The following ZNF536 variants were observed in gnomAD, a reference collection of about 807,000 sequenced individuals.
ZNF536 encodes the protein zinc finger protein 536.
In ZNF536, 13 loss-of-function variants were observed where a neutral mutation model predicts 84.5. That is an observed-to-expected ratio of 0.15 (90% CI 0.10 to 0.24). ZNF536 has a LOEUF of 0.24. Among genes scored for constraint, ZNF536 ranks in the 10% least tolerant of loss-of-function variants. The pLI is 1.00. For missense variants in ZNF536, 1,536 were observed against 1,747.5 expected, an observed-to-expected ratio of 0.88 and a Z score of 2.16; for synonymous variants, 811 against 742.5, an observed-to-expected ratio of 1.09 and a Z score of -1.50.
intron 2 of ZNF536, among the ~76,000 whole-genome samples, chr19:30,456,996 C>T (rs1039252154): frequency 6.2e-5 from 9 of 145,958 alleles, no homozygotes; most frequent in African/African-American, 2.0e-4. Context: ...AAGCTGTGAT[C>T]ACACCACTGC....
intron 2 of ZNF536, among the ~76,000 whole-genome samples, chr19:30,332,249 C>T (rs1036046690): frequency 6.6e-6 from 1 of 152,208 alleles, no homozygotes; most frequent in African/African-American, 2.4e-5. Flanking sequence ...GGATCTTCCT[C>T]ACTCTCCCTC....
At chr19:30,417,653 A>T (rs2050790911) in intron 1 of ZNF536, among the ~76,000 whole-genome samples, 1 of 152,234 alleles carries the variant, frequency 6.6e-6, no homozygotes, top group African/African-American at 2.4e-5. Flanking sequence ...AACTTCCATA[A>T]CAATATTTAA....
chr19:30,337,416 C>T (rs187674392), intron 2 of ZNF536, among the ~76,000 whole-genome samples: 67 of 152,350 alleles, frequency 4.4e-4, no homozygotes, highest in African/African-American at 1.5e-3. Flanking sequence ...GCCACCTTCC[C>T]TTTGCCGAAC....
chr19:30,226,660 G>A (rs2022631316), upstream of ZNF536, among the ~76,000 whole-genome samples: 1 of 152,120 alleles, frequency 6.6e-6, no homozygotes, highest in African/African-American at 2.4e-5. The surrounding 1 kb of genome is among the most constrained non-coding windows in gnomAD (Gnocchi z 4.6). Flanking sequence ...GGGCCCAGCC[G>A]GGGGCCAAAG....
chr19:30,301,650 T>C (rs2046188419), intron 2 of ZNF536, among the ~76,000 whole-genome samples: 1 of 152,222 alleles, frequency 6.6e-6, no homozygotes, highest in African/African-American at 2.4e-5. Context: ...TACAAAGTTA[T>C]ATAACCGAAT....
Position 30,444,246 on chromosome 19 carries a change from G to T in ZNF536, c.684G>T (p.Pro228=). Residue 228 remains proline, a synonymous_variant, in exon 2 of 5, where the codon CCG becomes CCT. Coordinates refer to ENST00000355537, the MANE Select transcript of ZNF536 (RefSeq NM_014717.3). ...CCCGGCCGGACCTGAAGCCCCCGCC[G>T]CACGCCCAGCAGGCCCCGCTGGCCG... ...LQPRPDLKPP[P]HAQQAPLAAC... 2 of 1,546,476 alleles carry T rather than the reference G, an allele frequency of 1.3e-6. No individual in the cohort carries two copies. The highest frequency in any genetic ancestry group is 8.7e-7 in the Non-Finnish European group (1 of 1,152,378).
At chr19:30,700,348 CT>C (rs1386317395) in intron 1 of ZNF536, among the ~76,000 whole-genome samples, 3 of 145,780 alleles carry the variant, frequency 2.1e-5, no homozygotes, top group East Asian at 4.0e-4. Flanking sequence ...TCCCTCCCCC[CT>C]CCTTCCTTCC....
chr19:30,531,686 G>A (rs181007066), intron 2 of ZNF536, among the ~76,000 whole-genome samples: 303 of 152,148 alleles, frequency 2.0e-3, no homozygotes, highest in African/African-American at 7.0e-3. Context: ...GTGCAGTGGC[G>A]TGATCCCGGC....
At chr19:30,375,657 A>G (rs2048788850) in intron 1 of ZNF536, among the ~76,000 whole-genome samples, 1 of 152,230 alleles carries the variant, frequency 6.6e-6, no homozygotes, top group East Asian at 1.9e-4. Context: ...ATGAGTGTAC[A>G]TGGCGTGTGC....
At chr19:30,614,193 A>G (rs2048201664) in intron 1 of ZNF536, among the ~76,000 whole-genome samples, 1 of 152,008 alleles carries the variant, frequency 6.6e-6, no homozygotes, top group African/African-American at 2.4e-5. Context: ...TATTGTGCAT[A>G]TTTTTCCACC....
At chr19:30,322,966 C>T (rs1429979677) in intron 2 of ZNF536, among the ~76,000 whole-genome samples, 1 of 152,194 alleles carries the variant, frequency 6.6e-6, no homozygotes, top group Non-Finnish European at 1.5e-5. Flanking sequence ...ACCATGTTGG[C>T]AGAGGTACTG....
At chr19:30,578,707 G>A (rs908795868) in intron 1 of ZNF536, among the ~76,000 whole-genome samples, 5 of 152,242 alleles carry the variant, frequency 3.3e-5, no homozygotes, top group African/African-American at 1.2e-4. Flanking sequence ...AGGTTGGAAA[G>A]TTGTTCACTT....
At chr19:30,313,682 C>T (rs1039136954) in intron 2 of ZNF536, among the ~76,000 whole-genome samples, 1 of 152,198 alleles carries the variant, frequency 6.6e-6, no homozygotes, top group Non-Finnish European at 1.5e-5. Context: ...CCCACACTGC[C>T]CACCCCGACT....
chr19:30,678,086 G>T (rs1295276937), intron 1 of ZNF536, among the ~76,000 whole-genome samples: 2 of 152,202 alleles, frequency 1.3e-5, no homozygotes, highest in African/African-American at 4.8e-5. Flanking sequence ...GAGGATTTGG[G>T]ATGAGAAATT....
At chr19:30,504,426 T>G (rs1204214909) in intron 2 of ZNF536, among the ~76,000 whole-genome samples, 3 of 133,020 alleles carry the variant, frequency 2.3e-5, no homozygotes, top group Non-Finnish European at 4.8e-5. Context: ...CCTCTTTCCT[T>G]CCTTCCTTCC....
At chr19:30,685,129 T>A (rs2051124047) in intron 1 of ZNF536, among the ~76,000 whole-genome samples, 1 of 152,200 alleles carries the variant, frequency 6.6e-6, no homozygotes, top group Non-Finnish European at 1.5e-5. Flanking sequence ...GGAGGGGTCT[T>A]TATCAAATCC....
At chr19:30,391,553 G>C (rs1362224227) in intron 1 of ZNF536, among the ~76,000 whole-genome samples, 1 of 152,126 alleles carries the variant, frequency 6.6e-6, no homozygotes, top group Non-Finnish European at 1.5e-5. Flanking sequence ...TCCAGCCTGG[G>C]CAACAAGAGT....
At chr19:30,496,987 G>C in intron 2 of ZNF536, among the ~76,000 whole-genome samples, 1 of 152,302 alleles carries the variant, frequency 6.6e-6, no homozygotes. Context: ...GGAGCCCTCT[G>C]GGGGAGCTTG....
intron 2 of ZNF536, among the ~76,000 whole-genome samples, chr19:30,492,535 TTTA>T (rs1195177857): frequency 6.6e-6 from 1 of 152,198 alleles, no homozygotes; most frequent in Admixed American, 6.5e-5. Context: ...TCAGATAGTA[TTTA>T]TTATTATTAT....
Sources: allele counts gnomAD v4.1 joint callset (sites outside exome capture counted in the v4.1 genomes callset), GRCh38; gene constraint gnomAD v4.1.1; non-coding constraint Gnocchi (gnomAD v3.1); transcripts MANE v1.5; gene names NCBI Gene and HGNC (gene_info 2026-07-23, HGNC 2026-07-21).